Variants in PREP observed in about 807,000 individuals in gnomAD.
PREP encodes the protein prolyl endopeptidase, also known as dJ355L5.1 (prolyl endopeptidase).
A neutral mutation model predicts 87.6 loss-of-function variants in PREP; 29 were observed. The observed-to-expected ratio is 0.33, with a 90% CI of 0.25 to 0.45. PREP has a LOEUF of 0.45. Among genes scored for constraint, PREP ranks in the 20% least tolerant of loss-of-function variants. The probability of loss-of-function intolerance (pLI) is 1.00; values close to 1 mark genes in which losing one functional copy is unlikely to be tolerated. For missense variants in PREP, 695 were observed against 886.5 expected (o/e 0.78, Z 2.74); for synonymous variants, 337 against 328.6 (o/e 1.03, Z -0.28).
In PREP at chr6:105,274,793, C is replaced by A. The variant is rs897091208; in HGVS notation, c.*3351G>T. On this transcript the variant is annotated 3_prime_UTR_variant, in exon 15 of 15. Coordinates refer to ENST00000652536, the MANE Select transcript of PREP (RefSeq NM_002726.5). ...CAAAAAAAGAGTGCAGTATCCAAGG[C>A]CCAGCTCCTGGGGTTACTGCCCTGC... Among the ~76,000 whole-genome samples the A allele has an allele frequency of 5.3e-5, 8 of 152,128 alleles. No individual in the cohort carries two copies. Among genetic ancestry groups the A allele is most frequent in the African/African-American group, 1.9e-4 (8 of 41,436 alleles).
At chr6:105,354,521 GT>G (rs77387653) in intron 6 of PREP, among the ~76,000 whole-genome samples, 1,803 of 144,166 alleles carry the variant, frequency 0.013, 27 homozygotes, top group African/African-American at 0.039. Context: ...TGTTTGTGAA[GT>G]TTTTTTTTTT....
chr6:105,321,265 C>A (rs926307201), intron 10 of PREP, among the ~76,000 whole-genome samples: 3 of 152,188 alleles, frequency 2.0e-5, no homozygotes, highest in Non-Finnish European at 4.4e-5. Context: ...TATCCAGGTA[C>A]TGTTTAAATA....
chr6:105,297,782 T>G (rs903294585), intron 10 of PREP, among the ~76,000 whole-genome samples: 19 of 152,172 alleles, frequency 1.2e-4, no homozygotes, highest in African/African-American at 4.1e-4. Flanking sequence ...GCAGAGTAAA[T>G]GAGTTGTACA....
intron 7 of PREP, among the ~76,000 whole-genome samples, chr6:105,352,543 G>A (rs1486337621): frequency 6.6e-6 from 1 of 152,106 alleles, no homozygotes; most frequent in African/African-American, 2.4e-5. Context: ...TAAAGACAGG[G>A]TCTGGCTATG....
chr6:105,343,490 C>G (rs149484474), intron 7 of PREP, among the ~76,000 whole-genome samples: 1 of 152,136 alleles, frequency 6.6e-6, no homozygotes, highest in Admixed American at 6.6e-5. Context: ...GACTAAAGCA[C>G]GAAAAGCAAT....
intron 7 of PREP, among the ~76,000 whole-genome samples, chr6:105,338,828 C>T (rs554343955): frequency 3.6e-4 from 55 of 152,302 alleles, no homozygotes; most frequent in Admixed American, 1.2e-3. Flanking sequence ...AAGGCGGAAG[C>T]GAGGCTGGGG....
chr6:105,352,454 C>A (rs997074223), intron 7 of PREP, among the ~76,000 whole-genome samples: 3 of 152,190 alleles, frequency 2.0e-5, no homozygotes, highest in African/African-American at 7.2e-5. Context: ...CTACTGATTA[C>A]GTTAATCTAG....
At chr6:105,402,455 C>A (rs1440970999) in intron 1 of PREP, among the ~76,000 whole-genome samples, 2 of 150,690 alleles carry the variant, frequency 1.3e-5, no homozygotes, top group Admixed American at 1.3e-4. Flanking sequence ...CACAAACACA[C>A]ACACACACCC....
At chr6:105,315,676 G>C (rs954393252) in intron 10 of PREP, among the ~76,000 whole-genome samples, 5 of 152,194 alleles carry the variant, frequency 3.3e-5, no homozygotes, top group African/African-American at 1.2e-4. Flanking sequence ...CCAACAGAAG[G>C]CTGTTCTGCC....
At chr6:105,331,785 A>G (rs968535252) in intron 8 of PREP, among the ~76,000 whole-genome samples, 2 of 152,212 alleles carry the variant, frequency 1.3e-5, no homozygotes, top group African/African-American at 4.8e-5. Flanking sequence ...CCAAATATAA[A>G]TAAGGGTCAG....
intron 1 of PREP, among the ~76,000 whole-genome samples, chr6:105,402,417 A>ATC (rs1363068417): frequency 3.1e-5 from 4 of 128,096 alleles, no homozygotes; most frequent in Non-Finnish European, 4.5e-5. Flanking sequence ...TAAATGTGAC[A>ATC]TCACACACAC....
At chr6:105,327,948 T>C (rs76138319) in intron 9 of PREP, among the ~76,000 whole-genome samples, 1 of 149,102 alleles carries the variant, frequency 6.7e-6, no homozygotes, top group East Asian at 1.9e-4. Context: ...ATGTGACCAA[T>C]TTTTTTTTTA....
At chr6:105,300,381 A>G (rs1486587062) in intron 10 of PREP, among the ~76,000 whole-genome samples, 1 of 152,176 alleles carries the variant, frequency 6.6e-6, no homozygotes, top group African/African-American at 2.4e-5. Context: ...AAATCCCACT[A>G]TATCTTGCCA....
At chr6:105,280,234 C>T (rs1041092064) in intron 14 of PREP, among the ~76,000 whole-genome samples, 10 of 152,078 alleles carry the variant, frequency 6.6e-5, no homozygotes, top group African/African-American at 1.7e-4. Flanking sequence ...ACCCAGGAGG[C>T]GATGTTGCAG....
Position 105,353,323 on chromosome 6 carries a change from T to C in PREP, c.718-246A>G, listed in dbSNP as rs567196542. 1.3e-4 allele frequency among the ~76,000 whole-genome samples: 20 copies of C among 152,342 alleles called. No individual in the cohort carries two copies. The East Asian group carries it at 3.1e-3, about 23-fold the overall frequency. On this transcript the variant is annotated intron_variant, in intron 6 of 14. Transcript: ENST00000652536. ...AGTTGAAAATATCAGTAGAGGTAAC[T>C]GAATGTCATAACTTCAATGTAATTT... is the stretch of plus-strand genomic sequence containing the variant.
chr6:105,335,786 G>A (rs537307869), intron 7 of PREP, among the ~76,000 whole-genome samples: 2 of 152,142 alleles, frequency 1.3e-5, no homozygotes, highest in East Asian at 1.9e-4. Context: ...CCAGCTACTC[G>A]GGAGGCTGAG....
chr6:105,388,478 G>C (rs1773057614), intron 2 of PREP, among the ~76,000 whole-genome samples: 1 of 147,068 alleles, frequency 6.8e-6, no homozygotes, highest in African/African-American at 2.5e-5. Flanking sequence ...CAAGAGAAAG[G>C]AGATTGGGGG....
At chr6:105,307,211 A>G (rs1231083316) in intron 10 of PREP, among the ~76,000 whole-genome samples, 1 of 152,190 alleles carries the variant, frequency 6.6e-6, no homozygotes, top group Non-Finnish European at 1.5e-5. Flanking sequence ...TGTTTTTAAA[A>G]GTAGCTTGTT....
chr6:105,285,764 C>A (rs539879071), intron 11 of PREP, among the ~76,000 whole-genome samples, 184 bp from the exon 12 acceptor site: 6 of 152,290 alleles, frequency 3.9e-5, no homozygotes, highest in Non-Finnish European at 7.4e-5. Flanking sequence ...TAATACTTAA[C>A]TGCAAAGCTA....
Sources: gnomAD v4.1 joint callset for allele counts (sites outside exome capture counted in the v4.1 genomes callset) on GRCh38, gnomAD v4.1.1 for gene constraint, MANE v1.5 for transcripts, NCBI Gene and HGNC (gene_info 2026-07-23, HGNC 2026-07-21) for gene names.